Variants in EEA1 observed in about 807,000 individuals in gnomAD.
EEA1 encodes early endosome antigen 1, also known as early endosome antigen 1, 162kD.
In EEA1, 111 loss-of-function variants were observed where a neutral mutation model predicts 209.2. The observed-to-expected ratio is 0.53, with a 90% CI of 0.45 to 0.62. The LOEUF (loss-of-function observed/expected upper bound fraction) is 0.62. EEA1 is among the 20% of genes least tolerant of loss of function. The pLI, the probability that EEA1 is intolerant of heterozygous loss-of-function variation, is 0.00. For missense variants in EEA1, 1,343 were observed against 1,530.8 expected, an observed-to-expected ratio of 0.88 and a Z score of 2.05; for synonymous variants, 536 against 540.6, an observed-to-expected ratio of 0.99 and a Z score of 0.12.
chr12:92,832,456 T>C lies in EEA1; in HGVS notation c.1254+56A>G, dbSNP rs1221555301. The C allele has an allele frequency of 4.1e-6, 6 of 1,479,450 alleles. No individual in the cohort carries two copies. The Admixed American group carries it at 1.2e-4, about 31-fold the overall frequency. The allele number at this position is 1,479,450 out of a possible 1,614,324, so 91.6% of individuals were successfully genotyped here. A position where few individuals can be genotyped will look rare whatever the true frequency, so the allele number is the denominator to read the frequency against. ...ATATTATGATCAAATAACCATCAAG[T>C]ACACGAAGAAGAAACCAGAGGGAGA... On this transcript the variant is annotated intron_variant, in intron 11 of 28. Coordinates refer to ENST00000322349, the MANE Select transcript of EEA1 (RefSeq NM_003566.4).
chr12:92,811,228 AT>A, intron 17 of EEA1, 50 bp downstream of exon 17: 1 of 1,226,062 alleles, frequency 8.2e-7, no homozygotes, highest in Non-Finnish European at 1.1e-6. Flanking sequence ...ATGAGATTCC[AT>A]TGCTACTGAA....
In EEA1 at chr12:92,788,047, TGTC is replaced by T; in HGVS notation, c.2968-1_2969del. 6.3e-7 allele frequency: 1 copy of T among 1,585,924 alleles called. No individual in the cohort carries two copies. The highest frequency in any genetic ancestry group is 8.6e-7 in the Non-Finnish European group (1 of 1,169,332). On this transcript the variant is annotated splice_acceptor_variant and coding_sequence_variant, in exon 22 of 29. Coordinates refer to ENST00000322349, the MANE Select transcript of EEA1 (RefSeq NM_003566.4). LOFTEE classifies it high-confidence loss of function. ...GCTGCTGTAGTTTATTCTCAAGCTCTGTCTGAAACATACAATAGTTATTTAAAA... is the reference window on the plus strand; with the variant it reads ...GCTGCTGTAGTTTATTCTCAAGCTCTTGAAACATACAATAGTTATTTAAAA...
At chr12:92,790,243 T>C (rs533251406) in intron 21 of EEA1, among the ~76,000 whole-genome samples, 1 of 152,190 alleles carries the variant, frequency 6.6e-6, no homozygotes, top group East Asian at 1.9e-4. Context: ...AGATCACAGC[T>C]CCTCGCCAGC....
chr12:92,872,503 A>C (rs933314999), intron 2 of EEA1, among the ~76,000 whole-genome samples: 6 of 152,230 alleles, frequency 3.9e-5, no homozygotes, highest in Non-Finnish European at 7.3e-5. Flanking sequence ...CACACCCATA[A>C]TTCCCAGCAG....
chr12:92,842,897 C>G (rs1877230929), intron 9 of EEA1, among the ~76,000 whole-genome samples: 2 of 152,168 alleles, frequency 1.3e-5, no homozygotes, highest in African/African-American at 4.8e-5. Context: ...CTTCAATCTT[C>G]CAGAATTTAA....
At chr12:92,845,430 A>G (rs9888394) in intron 9 of EEA1, among the ~76,000 whole-genome samples, 4 of 151,980 alleles carry the variant, frequency 2.6e-5, no homozygotes, top group African/African-American at 4.8e-5. Context: ...AGTAAATACA[A>G]TCCCTCTTCA....
intron 14 of EEA1, among the ~76,000 whole-genome samples, chr12:92,817,963 C>T (rs1298809694): frequency 6.6e-6 from 1 of 152,108 alleles, no homozygotes; most frequent in Non-Finnish European, 1.5e-5. Flanking sequence ...TTGGCTGGAA[C>T]CTGAACATCT....
intron 18 of EEA1, among the ~76,000 whole-genome samples, chr12:92,805,578 C>A (rs1875161953): frequency 6.6e-6 from 1 of 152,132 alleles, no homozygotes; most frequent in African/African-American, 2.4e-5. Context: ...TCAAATGTAA[C>A]CAGTTATATG....
intron 2 of EEA1, chr12:92,884,291 TGTGAA>T (rs746524490): frequency 9.9e-5 from 137 of 1,383,658 alleles, no homozygotes; most frequent in Non-Finnish European, 1.3e-4. Flanking sequence ...TGGCCACAAC[TGTGAA>T]GTTAGGAAAG....
chr12:92,919,845 AC>A (rs1441146069), intron 1 of EEA1, among the ~76,000 whole-genome samples: 1 of 73,398 alleles, frequency 1.4e-5, no homozygotes, highest in Non-Finnish European at 2.7e-5. Context: ...TATCTAGAAA[AC>A]CCCATTGTCT....
At chr12:92,870,091 T>A (rs1878572364) in intron 2 of EEA1, among the ~76,000 whole-genome samples, 2 of 152,144 alleles carry the variant, frequency 1.3e-5, no homozygotes, top group Admixed American at 1.3e-4. Context: ...TTTTTGCAAA[T>A]AATACCTATC....
intron 10 of EEA1, among the ~76,000 whole-genome samples, chr12:92,841,561 C>T (rs925772576): frequency 6.6e-6 from 1 of 151,984 alleles, no homozygotes; most frequent in Admixed American, 6.6e-5. Context: ...TAAAGAACTC[C>T]TACAACTCAA....
intron 9 of EEA1, among the ~76,000 whole-genome samples, chr12:92,848,090 T>A (rs1271187532): frequency 3.3e-5 from 5 of 151,850 alleles, no homozygotes; most frequent in Non-Finnish European, 7.4e-5. Context: ...AATCACCTAT[T>A]CAGTTACTCA....
At chr12:92,842,647 A>C in intron 9 of EEA1, 66 bp from the exon 10 acceptor site, 1 of 990,422 alleles carries the variant, frequency 1.0e-6, no homozygotes, top group Non-Finnish European at 1.5e-6. Flanking sequence ...AAAAAATGAA[A>C]GTATATAAAG....
At chr12:92,846,953 A>AT (rs1478456199) in intron 9 of EEA1, among the ~76,000 whole-genome samples, 9 of 151,766 alleles carry the variant, frequency 5.9e-5, no homozygotes, top group African/African-American at 2.2e-4. Context: ...TGAGATTTTA[A>AT]TTTTTTTTCT....
chr12:92,853,264 A>C (rs1411013253), intron 6 of EEA1, among the ~76,000 whole-genome samples: 4 of 152,320 alleles, frequency 2.6e-5, no homozygotes, highest in Middle Eastern at 3.4e-3. Flanking sequence ...ATAATCTATA[A>C]ATATTTTATT....
At chr12:92,875,226 C>A (rs1434230838) in intron 2 of EEA1, among the ~76,000 whole-genome samples, 1 of 152,014 alleles carries the variant, frequency 6.6e-6, no homozygotes, top group Non-Finnish European at 1.5e-5. Context: ...CTGAGGCAGG[C>A]GGATCACAAG....
intron 14 of EEA1, among the ~76,000 whole-genome samples, chr12:92,818,171 C>A (rs1318374135): frequency 6.6e-6 from 1 of 152,154 alleles, no homozygotes; most frequent in African/African-American, 2.4e-5. Flanking sequence ...ATTCGATCTG[C>A]CTTAACCTCC....
intron 2 of EEA1, among the ~76,000 whole-genome samples, chr12:92,876,374 A>G (rs1878885989): frequency 6.6e-6 from 1 of 152,116 alleles, no homozygotes. Context: ...ATACATGTTT[A>G]GTATGTTTTT....
Sources: gnomAD v4.1 joint callset for allele counts (sites outside exome capture counted in the v4.1 genomes callset) on GRCh38, gnomAD v4.1.1 for gene constraint, MANE v1.5 for transcripts, NCBI Gene and HGNC (gene_info 2026-07-23, HGNC 2026-07-21) for gene names.